The following ADAMTSL1 variants were observed in gnomAD, a reference collection of about 807,000 sequenced individuals.
ADAMTSL1 encodes ADAMTS like 1.
In ADAMTSL1, 126 loss-of-function variants were observed where a neutral mutation model predicts 201.8. The observed-to-expected ratio is 0.62, with a 90% CI of 0.54 to 0.72. The LOEUF is 0.72. ADAMTSL1 is among the 30% of genes least tolerant of loss of function. ADAMTSL1 has a pLI of 0.00. For synonymous variants in ADAMTSL1, 1,121 were observed against 903.4 expected, an observed-to-expected ratio of 1.24 and a Z score of -4.32; for missense variants, 2,679 against 2,277.8, an observed-to-expected ratio of 1.18 and a Z score of -3.59.
intron 19 of ADAMTSL1, among the ~76,000 whole-genome samples, chr9:18,791,787 C>T (rs554715126): frequency 1.8e-4 from 28 of 152,210 alleles, no homozygotes; most frequent in Admixed American, 6.5e-4. Flanking sequence ...ACTATACAAA[C>T]GCTAAATCTC....
At chr9:18,550,743 C>A (rs1820750311) in intron 3 of ADAMTSL1, among the ~76,000 whole-genome samples, 1 of 151,774 alleles carries the variant, frequency 6.6e-6, no homozygotes, top group Admixed American at 6.6e-5. Flanking sequence ...GTTTTAAGCA[C>A]CTACGTTTAT....
intron 23 of ADAMTSL1, among the ~76,000 whole-genome samples, chr9:18,858,325 C>A (rs192280015): frequency 2.0e-5 from 3 of 152,148 alleles, no homozygotes; most frequent in Non-Finnish European, 4.4e-5. Flanking sequence ...CCTCGCCTCA[C>A]TCAGGTTCTA....
chr9:18,126,428 T>C (rs1210122810), intron 1 of ADAMTSL1, among the ~76,000 whole-genome samples: 1 of 152,208 alleles, frequency 6.6e-6, no homozygotes, highest in African/African-American at 2.4e-5. Context: ...TAGGGTCCAA[T>C]ACCTTTCTAT....
intron 1 of ADAMTSL1, among the ~76,000 whole-genome samples, chr9:18,116,950 C>G (rs1008926863): frequency 1.3e-5 from 2 of 152,154 alleles, no homozygotes; most frequent in African/African-American, 2.4e-5. Context: ...CTGTGGCATT[C>G]TCTGTCTTAA....
chr9:18,076,240 T>C (rs1417320950), intron 1 of ADAMTSL1, among the ~76,000 whole-genome samples: 2 of 152,232 alleles, frequency 1.3e-5, no homozygotes, highest in East Asian at 3.8e-4. Flanking sequence ...ATATTGGAAA[T>C]ATTTTATGAA....
chr9:18,658,492 C>A (rs1828861231), intron 8 of ADAMTSL1, among the ~76,000 whole-genome samples: 1 of 152,170 alleles, frequency 6.6e-6, no homozygotes, highest in African/African-American at 2.4e-5. Flanking sequence ...GAAAAAAAAT[C>A]TCTGCATTTT....
intron 23 of ADAMTSL1, among the ~76,000 whole-genome samples, chr9:18,837,214 TTTC>T (rs1307989015): frequency 6.6e-6 from 1 of 152,250 alleles, no homozygotes; most frequent in Non-Finnish European, 1.5e-5. Flanking sequence ...GTTCTCATAT[TTTC>T]TTCTAGAAGT....
intron 1 of ADAMTSL1, among the ~76,000 whole-genome samples, chr9:17,913,229 G>T (rs1450820429): frequency 6.6e-6 from 1 of 152,104 alleles, no homozygotes. Flanking sequence ...CCAATTCTGT[G>T]AAGAAAGTCC....
chr9:18,646,389 C>A (rs199956995), intron 7 of ADAMTSL1, among the ~76,000 whole-genome samples: 25,473 of 151,506 alleles, frequency 0.17, 2,304 homozygotes, highest in Middle Eastern at 0.23. Flanking sequence ...ATTTCCTTCT[C>A]CTGCCTAATT....
chr9:18,545,422 CA>C (rs748433625), intron 3 of ADAMTSL1, among the ~76,000 whole-genome samples: 1 of 151,884 alleles, frequency 6.6e-6, no homozygotes, highest in Middle Eastern at 3.4e-3. Context: ...AACTGAGATC[CA>C]AAAAGTTTAA....
chr9:18,189,832 A>G (rs1278638538), intron 2 of ADAMTSL1, among the ~76,000 whole-genome samples: 1 of 152,162 alleles, frequency 6.6e-6, no homozygotes, highest in Non-Finnish European at 1.5e-5. Context: ...TGGACTTTTA[A>G]ACTCTCTGAG....
intron 13 of ADAMTSL1, among the ~76,000 whole-genome samples, chr9:18,702,332 C>T (rs927196236): frequency 5.3e-5 from 8 of 152,104 alleles, no homozygotes; most frequent in African/African-American, 1.4e-4. Flanking sequence ...TGTGGTGACA[C>T]GAGACTAATC....
chr9:18,086,406 TA>T (rs998156911), intron 1 of ADAMTSL1, among the ~76,000 whole-genome samples: 82 of 147,244 alleles, frequency 5.6e-4, no homozygotes, highest in African/African-American at 4.0e-4. Flanking sequence ...TTTAGTGAAT[TA>T]AAAAAAAAAA....
intron 3 of ADAMTSL1, among the ~76,000 whole-genome samples, chr9:18,549,868 G>T (rs1189147326): frequency 6.6e-6 from 1 of 151,872 alleles, no homozygotes; most frequent in East Asian, 1.9e-4. Context: ...ACGTCAGCCT[G>T]GTTCCTGTGA....
At chr9:18,494,627 G>C (rs1440925369) in intron 1 of ADAMTSL1, among the ~76,000 whole-genome samples, 1 of 152,174 alleles carries the variant, frequency 6.6e-6, no homozygotes, top group Non-Finnish European at 1.5e-5. Flanking sequence ...AAGCAGGAAT[G>C]AATCTAGAAT....
chr9:18,196,763 C>T (rs931481149), intron 2 of ADAMTSL1, among the ~76,000 whole-genome samples: 1 of 152,070 alleles, frequency 6.6e-6, no homozygotes, highest in Admixed American at 6.6e-5. Flanking sequence ...TAACCCTAGT[C>T]CTTCAGTTCC....
chr9:18,633,267 A>C lies in ADAMTSL1; in HGVS notation c.602-2676A>C, dbSNP rs140692624. 3.8e-3 allele frequency among the ~76,000 whole-genome samples: 583 copies of C among 152,302 alleles called. 8 individuals are homozygous for C. The highest frequency in any genetic ancestry group is 0.013 in the African/African-American group (545 of 41,562). On this transcript the variant is annotated intron_variant, in intron 5 of 28. Coordinates refer to ENST00000380548, the MANE Select transcript of ADAMTSL1 (RefSeq NM_001040272.6). ...GTTTCTTTTGCAAACTTAAAAAGTC[A>C]TGTCTTTATGCAAGGCGTTTAAAGC...
At chr9:18,782,554 C>T (rs1024333580) in intron 19 of ADAMTSL1, among the ~76,000 whole-genome samples, 2 of 152,166 alleles carry the variant, frequency 1.3e-5, no homozygotes, top group African/African-American at 4.8e-5. Flanking sequence ...TGCCCAGTAA[C>T]CGGCACCAAA....
intron 3 of ADAMTSL1, among the ~76,000 whole-genome samples, chr9:18,555,914 C>T (rs1821083349): frequency 6.6e-6 from 1 of 151,902 alleles, no homozygotes; most frequent in Non-Finnish European, 1.5e-5. Flanking sequence ...ATTGCATTGC[C>T]ACACCATGTA....
Sources: gnomAD v4.1 joint callset for allele counts (sites outside exome capture counted in the v4.1 genomes callset) on GRCh38, gnomAD v4.1.1 for gene constraint, MANE v1.5 for transcripts, NCBI Gene and HGNC (gene_info 2026-07-23, HGNC 2026-07-21) for gene names.